Variants in SMIM7 observed in about 807,000 individuals in gnomAD.
SMIM7 encodes the protein UPF0608 protein C19orf42.
Under a neutral mutation model 13.3 loss-of-function variants are expected in SMIM7, and 12 were observed. The ratio of observed to expected loss-of-function variants is 0.90; its 90% confidence interval spans 0.58 to 1.46. The LOEUF is 1.46. Among genes scored for constraint, SMIM7 ranks in the 40% most tolerant of loss-of-function variants. The probability of loss-of-function intolerance (pLI) is 0.00; values close to 1 mark genes in which losing one functional copy is unlikely to be tolerated. For missense variants in SMIM7, 114 were observed against 94.8 expected, an observed-to-expected ratio of 1.20 and a Z score of -0.84; for synonymous variants, 36 against 35.8, an observed-to-expected ratio of 1.01 and a Z score of -0.02.
At chr19:16,635,438 C>T (rs1239926404) in intron 4 of SMIM7, among the ~76,000 whole-genome samples, 1 of 151,280 alleles carries the variant, frequency 6.6e-6, no homozygotes, top group Non-Finnish European at 1.5e-5. Flanking sequence ...TAAGCCATTT[C>T]CCCAAAGAGC....
intron 3 of SMIM7, chr19:16,655,372 C>G (rs745455607): frequency 5.7e-5 from 26 of 456,088 alleles, no homozygotes; most frequent in South Asian, 3.9e-4. Context: ...TCAAGCCCTC[C>G]AGAATGAAAA....
chr19:16,635,802 TA>T (rs1189586101), intron 4 of SMIM7, among the ~76,000 whole-genome samples: 1 of 147,000 alleles, frequency 6.8e-6, no homozygotes, highest in Admixed American at 6.9e-5. Context: ...GAGAGTCGCT[TA>T]AACCTGGGAG....
At chr19:16,655,072 A>C (rs1248818615) in intron 3 of SMIM7, among the ~76,000 whole-genome samples, 8 of 152,072 alleles carry the variant, frequency 5.3e-5, no homozygotes, top group Non-Finnish European at 8.8e-5. Context: ...CCCCAACCCT[A>C]ATCTTGAAGG....
chr19:16,645,817 A>G (rs1360307748), downstream of SMIM7: 1 of 151,958 alleles, frequency 6.6e-6, no homozygotes, highest in East Asian at 1.9e-4. Flanking sequence ...GTGTGCCACC[A>G]TATCTGGCTA....
At chr19:16,653,701 C>A in intron 4 of SMIM7, 1 of 288,352 alleles carries the variant, frequency 3.5e-6, no homozygotes. Flanking sequence ...CAAGACCATC[C>A]TGGATAACAC....
intron 4 of SMIM7, chr19:16,634,663 A>T (rs2086345742): frequency 6.6e-6 from 1 of 151,478 alleles, no homozygotes; most frequent in Admixed American, 6.6e-5. Context: ...CTGGAGTCTC[A>T]GCTATTTGGG....
At chr19:16,632,528 T>G (rs1568295908) in intron 4 of SMIM7, among the ~76,000 whole-genome samples, 1 of 149,156 alleles carries the variant, frequency 6.7e-6, no homozygotes. Flanking sequence ...AGTCATTAAC[T>G]GTGAACATTT....
chr19:16,651,537 C>A (rs1047179559), intron 4 of SMIM7, among the ~76,000 whole-genome samples: 1 of 152,146 alleles, frequency 6.6e-6, no homozygotes, highest in African/African-American at 2.4e-5. Flanking sequence ...GAAAGTTGAG[C>A]TGGGAGGATG....
chr19:16,630,965 C>T (rs892591393), exon 5 of SMIM7: 1 of 152,192 alleles, frequency 6.6e-6, no homozygotes, highest in Non-Finnish European at 1.5e-5. Context: ...GATAATTCCT[C>T]TTGCTGTGAT....
At chr19:16,638,305 T>TTC (rs1555703461) in intron 4 of SMIM7, among the ~76,000 whole-genome samples, 183 of 133,552 alleles carry the variant, frequency 1.4e-3, no homozygotes, top group African/African-American at 4.4e-3. Context: ...TTTTTTCTTT[T>TTC]TTTTTTTTTT....
intron 3 of SMIM7, chr19:16,655,436 T>C (rs915646173): frequency 6.6e-6 from 3 of 454,690 alleles, no homozygotes; most frequent in Admixed American, 2.4e-5. Flanking sequence ...ATCCCAGCAC[T>C]TCAGGAGGCC....
At chr19:16,656,149 G>A (rs2086595066) in intron 3 of SMIM7, among the ~76,000 whole-genome samples, 1 of 152,154 alleles carries the variant, frequency 6.6e-6, no homozygotes, top group Non-Finnish European at 1.5e-5. Context: ...ACTTTGGGAG[G>A]CCGAGGCAGG....
At chr19:16,652,936 A>G (rs2086547507) in intron 4 of SMIM7, 3 of 1,550,608 alleles carry the variant, frequency 1.9e-6, no homozygotes, top group Non-Finnish European at 2.6e-6. Flanking sequence ...CTAGATGGAA[A>G]GGCAATCTGC....
Position 16,654,043 on chromosome 19 carries a change from G to A in SMIM7, c.204C>T (p.Cys68=), listed in dbSNP as rs2086564001. The A allele has an allele frequency of 6.2e-7, 1 of 1,613,878 alleles. No homozygotes were observed. Residue 68 remains cysteine (C), a synonymous_variant, in exon 4 of 5, where the codon TGC becomes TGT. Coordinates refer to ENST00000487416, the MANE Select transcript of SMIM7 (RefSeq NM_024104.4). ...IALWNIFMMF[C]MIVLFGS ...GGGCAGGCTGGACTCACACAATCAT[G>A]CAGAACATCATGAAGATGTTCCACA...
chr19:16,632,489 A>G (rs1303419048), intron 4 of SMIM7, among the ~76,000 whole-genome samples: 2 of 151,756 alleles, frequency 1.3e-5, no homozygotes, highest in Non-Finnish European at 2.9e-5. Flanking sequence ...TACAAACACA[A>G]CACGGCTGGG....
At position 16,659,090 on chromosome 19, in the gene SMIM7, C is replaced by A. The variant is rs1393067414; in HGVS notation, c.121+305G>T. ...TTGAACCCAGGAGTTCGAGACCGGC[C>A]TGGGCAACGTGGAGAAACCCCATCT... is the stretch of plus-strand genomic sequence containing the variant. On this transcript the variant is annotated intron_variant, in intron 3 of 4. Transcript: ENST00000487416. 3 of 415,224 alleles carry A rather than the reference C, an allele frequency of 7.2e-6. No individual in the cohort carries two copies. In the East Asian group the frequency reaches 1.5e-4, roughly 21 times the overall value. 25.7% of individuals were successfully genotyped at this position (415,224 alleles called of 1,614,324 possible).
chr19:16,653,418 T>C (rs2086554043), intron 4 of SMIM7, among the ~76,000 whole-genome samples: 2 of 151,964 alleles, frequency 1.3e-5, no homozygotes, highest in Admixed American at 6.6e-5. Flanking sequence ...CCCTGTCTCT[T>C]GTAAAAATAC....
At chr19:16,640,519 T>C (rs2086397038) in intron 4 of SMIM7, 1 of 152,280 alleles carries the variant, frequency 6.6e-6, no homozygotes, top group Non-Finnish European at 1.5e-5. Flanking sequence ...ACAGCTTCGC[T>C]GGCTTTTCAA....
downstream of SMIM7, chr19:16,645,796 G>A (rs1285148057): frequency 6.6e-6 from 1 of 151,766 alleles, no homozygotes; most frequent in Non-Finnish European, 1.5e-5. Flanking sequence ...CGAGTAGCTG[G>A]GATTATAGGC....
Sources: allele counts gnomAD v4.1 joint callset (sites outside exome capture counted in the v4.1 genomes callset), GRCh38; gene constraint gnomAD v4.1.1; transcripts MANE v1.5; gene names NCBI Gene and HGNC (gene_info 2026-07-23, HGNC 2026-07-21).